BSN: variants seen among roughly 807,000 people sequenced by gnomAD.
BSN encodes the protein protein bassoon.
In BSN, 57 loss-of-function variants were observed where a neutral mutation model predicts 264.8. The ratio of observed to expected loss-of-function variants is 0.22; its 90% CI spans 0.17 to 0.27. The LOEUF is 0.27. BSN is among the 10% of genes least tolerant of loss of function. The probability of loss-of-function intolerance (pLI) is 1.00; values close to 1 mark genes in which losing one functional copy is unlikely to be tolerated. For synonymous variants in BSN, 2,059 were observed against 2,137.3 expected, an observed-to-expected ratio of 0.96 and a Z score of 1.01; for missense variants, 4,615 against 5,232.5, an observed-to-expected ratio of 0.88 and a Z score of 3.64.
chr3:49,620,189 A>G (rs1032366813), intron 1 of BSN, among the ~76,000 whole-genome samples: 5 of 151,942 alleles, frequency 3.3e-5, no homozygotes, highest in Non-Finnish European at 7.4e-5. Context: ...AGAACAGCAA[A>G]TCCGAGGCGG....
rs753079038 is a variant in BSN at position 49,661,557 on chromosome 3, A to G, written c.9712A>G (p.Ser3238Gly). The G allele has an allele frequency of 3.1e-6, 5 of 1,613,964 alleles. No individual in the cohort carries two copies. Among genetic ancestry groups the G allele is most frequent in the Non-Finnish European group, 4.2e-6 (5 of 1,180,046 alleles). The change falls in exon 6 of 12, where the codon AGT becomes GGT. Residue 3238 changes from serine to glycine, a missense_variant. This residue lies in a region of BSN where 3,415 missense variants were observed against 3,866.4 expected (regional missense o/e 0.88). Transcript: ENST00000296452. The stretch of plus-strand genomic sequence containing the variant: ...AAACTACGTAATGATTGATGACATC[A>G]GTGAACTGACCAAGGACAGCACCTC... The part of the protein sequence containing the change: ...PRNYVMIDDI[S>G]ELTKDSTSTA...
At position 49,657,542 on chromosome 3, in the gene BSN, C is replaced by T. The variant is rs2052618879; in HGVS notation, c.7986C>T (p.Ser2662=). 3 of 1,613,232 alleles carry T rather than the reference C, an allele frequency of 1.9e-6. No individual in the cohort carries two copies. Among genetic ancestry groups the T allele is most frequent in the Non-Finnish European group, 2.5e-6 (3 of 1,180,026 alleles). ...CTGCTGCCACTGTGAGGGCCATGAGCAGCGTGGGCATCCAGACCATCAGTG... is the reference window on the plus strand; with the variant it reads ...CTGCTGCCACTGTGAGGGCCATGAGTAGCGTGGGCATCCAGACCATCAGTG... The part of the protein sequence containing the change: ...SSAAATVRAM[S]SVGIQTISDC... Residue 2662 remains serine, a synonymous_variant, in exon 5 of 12, where the codon AGC becomes AGT. Coordinates refer to ENST00000296452, the MANE Select transcript of BSN (RefSeq NM_003458.4).
At chr3:49,557,369 T>C (rs2051681318) in intron 1 of BSN, among the ~76,000 whole-genome samples, 1 of 152,190 alleles carries the variant, frequency 6.6e-6, no homozygotes, top group South Asian at 2.1e-4. Flanking sequence ...TTCATTTACT[T>C]ATTTATGGAG....
At position 49,662,175 on chromosome 3, in the gene BSN, C is replaced by T. The variant is rs780861870; in HGVS notation, c.10330C>T (p.Arg3444Trp). The T allele has an allele frequency of 9.3e-6, 15 of 1,612,744 alleles. No individual in the cohort carries two copies. Among genetic ancestry groups the T allele is most frequent in the South Asian group, 2.2e-5 (2 of 91,080 alleles). ...CATTTATGGCGGGAGCAGCCGGTCC[C>T]GGGCACCTTCTGCATACAGTGGGGA... is the stretch of plus-strand genomic sequence containing the variant. The part of the protein sequence containing the change: ...DRIYGGSSRS[R>W]APSAYSGEKL... The change falls in exon 6 of 12, where the codon CGG becomes TGG. Residue 3444 changes from arginine (R) to tryptophan (W), a missense_variant. Transcript: ENST00000296452.
rs772062120 is a variant in BSN at position 49,651,821 on chromosome 3, G to A, written c.2265G>A (p.Glu755=). 1.2e-6 allele frequency: 2 copies of A among 1,613,880 alleles called. No individual in the cohort carries two copies. The highest frequency in any genetic ancestry group is 1.7e-6 in the Non-Finnish European group (2 of 1,180,046). The change falls in exon 5 of 12, where the codon GAG becomes GAA. Residue 755 remains glutamate (E), a synonymous_variant. Coordinates refer to ENST00000296452, the MANE Select transcript of BSN (RefSeq NM_003458.4). This position sits in a 1 kb window ranked among gnomAD's most constrained non-coding sequence, Gnocchi z 5.4. ...AGCCACTCTCCAGCGGTACTGGCGAGGAGCAGAAGCAGCGGCCCCACTCCT... is the reference window on the plus strand; with the variant it reads ...AGCCACTCTCCAGCGGTACTGGCGAAGAGCAGAAGCAGCGGCCCCACTCCT... ...RSKPLSSGTG[E]EQKQRPHSLS...
chr3:49,643,191 G>A (rs768547906), intron 3 of BSN, 39 bp downstream of exon 3: 3 of 1,567,126 alleles, frequency 1.9e-6, no homozygotes, highest in Non-Finnish European at 8.7e-7. Context: ...GAACCTTGAT[G>A]AGAGGCCGGG....
chr3:49,665,732 A>C (rs1451293665), intron 11 of BSN, among the ~76,000 whole-genome samples: 2 of 152,248 alleles, frequency 1.3e-5, no homozygotes, highest in Non-Finnish European at 2.9e-5. Context: ...TCACATCTGC[A>C]GCTCTGGGAA....
intron 2 of BSN, among the ~76,000 whole-genome samples, chr3:49,641,975 T>G (rs1575445128): frequency 8.6e-6 from 1 of 116,898 alleles, no homozygotes; most frequent in Non-Finnish European, 1.7e-5. Flanking sequence ...TGCCAGGGGG[T>G]GGCGGGGAGG....
chr3:49,605,317 A>G (rs2052104682), intron 1 of BSN, among the ~76,000 whole-genome samples: 1 of 98,246 alleles, frequency 1.0e-5, no homozygotes, highest in Non-Finnish European at 1.9e-5. Flanking sequence ...ATTATATTAT[A>G]TATATATATT....
rs1237532366 is a variant in BSN, at chr3:49,657,794, C to T, written c.8238C>T (p.Gly2746=). 1.3e-6 allele frequency: 2 copies of T among 1,571,882 alleles called. No individual in the cohort carries two copies. The highest frequency in any genetic ancestry group is 2.3e-5 in the South Asian group (2 of 85,158). ...CTGCCATCAGCCCCTACCTGCCTGGCATCCAGATCGTCACCCCAGGGCCTC... is the reference window on the plus strand; with the variant it reads ...CTGCCATCAGCCCCTACCTGCCTGGTATCCAGATCGTCACCCCAGGGCCTC... ...GPTAISPYLP[G]IQIVTPGPLG... is the part of the protein sequence containing the mutation. The change falls in exon 5 of 12, where the codon GGC becomes GGT. Residue 2746 remains glycine, a synonymous_variant. Coordinates refer to ENST00000296452, the MANE Select transcript of BSN (RefSeq NM_003458.4).
intron 1 of BSN, among the ~76,000 whole-genome samples, chr3:49,582,847 T>C (rs181620373): frequency 1.5e-4 from 23 of 152,312 alleles, no homozygotes; most frequent in African/African-American, 5.0e-4. Flanking sequence ...GTCTTTTGAA[T>C]CATGAAAGTG....
chr3:49,586,956 A>G (rs1341062160), intron 1 of BSN, among the ~76,000 whole-genome samples: 1 of 152,074 alleles, frequency 6.6e-6, no homozygotes, highest in African/African-American at 2.4e-5. Context: ...TGTCATTGAT[A>G]GTTTGATAGG....
At position 49,656,303 on chromosome 3, in the gene BSN, C is replaced by G. The variant is rs2052599056; in HGVS notation, c.6747C>G (p.Pro2249=). 2 of 1,613,094 alleles carry G rather than the reference C, an allele frequency of 1.2e-6. No individual in the cohort carries two copies. The highest frequency in any genetic ancestry group is 2.7e-5 in the African/African-American group (2 of 74,946). The change falls in exon 5 of 12, where the codon CCC becomes CCG. Residue 2249 remains proline (P), a synonymous_variant. Transcript: ENST00000296452. The part of the protein sequence containing the change: ...TSLTRVPMIA[P]RVPLGPTGLY... ...TGACACGTGTGCCCATGATTGCCCCCCGGGTACCTCTTGGACCCACAGGGC... is the reference window on the plus strand; with the variant it reads ...TGACACGTGTGCCCATGATTGCCCCGCGGGTACCTCTTGGACCCACAGGGC...
chr3:49,663,868 C>G lies in BSN; in HGVS notation c.11590C>G (p.Pro3864Ala). 6.2e-7 allele frequency: 1 copy of G among 1,613,960 alleles called. No individual in the cohort carries two copies. Among genetic ancestry groups the G allele is most frequent in the Non-Finnish European group, 8.5e-7 (1 of 1,179,984 alleles). ...GAGGGCTCCTCAGGCCCAGCCAGCA[C>G]CAGGACCTGGACCTGCAGGTGAGCC... is the stretch of plus-strand genomic sequence containing the variant. ...QGRAPQAQPA[P>A]GPGPAGVKAG... The change falls in exon 8 of 12, where the codon CCA becomes GCA. Residue 3864 changes from proline (P) to alanine (A), a missense_variant. Pro to Ala is a conservative substitution (Grantham distance 27, BLOSUM62 -1). Coordinates refer to ENST00000296452, the MANE Select transcript of BSN (RefSeq NM_003458.4).
In BSN at chr3:49,661,095, C is replaced by T. The variant is rs1447815223; in HGVS notation, c.9250C>T (p.Pro3084Ser). The T allele has an allele frequency of 6.2e-7, 1 of 1,612,830 alleles. No homozygotes were observed. The highest frequency in any genetic ancestry group is 1.7e-5 in the Admixed American group (1 of 60,022). ...CCCAGCCCACCAGGCCCCCACCTAC[C>T]CTGGCCCCAGCACGTACCCAGCTCC... ...GFPAHQAPTYPGPSTYPAPAF... is the reference protein window; with the variant it reads ...GFPAHQAPTYSGPSTYPAPAF... The change falls in exon 6 of 12, where the codon CCT (proline) becomes TCT (serine). Residue 3084 changes from proline to serine, a missense_variant. Around this residue, in one of 3 missense-constraint regions of BSN, gnomAD observed 3,415 missense variants for 3,866.4 expected, o/e 0.88. Transcript: ENST00000296452.
At chr3:49,605,897 T>TATCTATATA (rs1491451068) in intron 1 of BSN, among the ~76,000 whole-genome samples, 1 of 52,254 alleles carries the variant, frequency 1.9e-5, no homozygotes, top group African/African-American at 7.3e-5. Flanking sequence ...AATATATTTA[T>TATCTATATA]GTCTATATAA....
chr3:49,597,849 T>C (rs2052038061), intron 1 of BSN, among the ~76,000 whole-genome samples: 1 of 151,762 alleles, frequency 6.6e-6, no homozygotes. Flanking sequence ...TTCACTCTGT[T>C]AGCCAGGATG....
intron 1 of BSN, among the ~76,000 whole-genome samples, chr3:49,564,364 G>A (rs1489937791): frequency 6.6e-6 from 1 of 152,232 alleles, no homozygotes; most frequent in Non-Finnish European, 1.5e-5. Context: ...CAGCCCAAGT[G>A]TGAATCTGTG....
intron 5 of BSN, among the ~76,000 whole-genome samples, chr3:49,658,685 C>T (rs1384822656): frequency 6.6e-6 from 1 of 152,224 alleles, no homozygotes; most frequent in Non-Finnish European, 1.5e-5. Context: ...TGGCCTAGCA[C>T]TAGAGGCCCA....
Sources: gnomAD v4.1 joint callset for allele counts (sites outside exome capture counted in the v4.1 genomes callset) on GRCh38, gnomAD v4.1.1 for gene constraint, gnomAD v4.1.1 regional missense constraint, Gnocchi (gnomAD v3.1) non-coding constraint, MANE v1.5 for transcripts, NCBI Gene and HGNC (gene_info 2026-07-23, HGNC 2026-07-21) for gene names.